Variants in TNIK observed in about 807,000 individuals in gnomAD.
TNIK encodes the protein TRAF2 and NCK interacting kinase, also known as TRAF2 and NCK-interacting protein kinase.
A neutral mutation model predicts 191.3 loss-of-function variants in TNIK; 49 were observed. The ratio of observed to expected loss-of-function variants is 0.26; its 90% CI spans 0.20 to 0.32. The LOEUF (loss-of-function observed/expected upper bound fraction) is 0.32. TNIK is among the 10% of genes least tolerant of loss of function. The probability of loss-of-function intolerance (pLI) is 1.00; values close to 1 mark genes in which losing one functional copy is unlikely to be tolerated. For missense variants in TNIK, 1,155 were observed against 1,702.3 expected, an observed-to-expected ratio of 0.68 and a Z score of 5.66; for synonymous variants, 594 against 600.9, an observed-to-expected ratio of 0.99 and a Z score of 0.17.
At chr3:171,227,532 C>T (rs1158547127) in intron 3 of TNIK, among the ~76,000 whole-genome samples, 1 of 152,106 alleles carries the variant, frequency 6.6e-6, no homozygotes, top group Non-Finnish European at 1.5e-5. Flanking sequence ...ATGCAAATAT[C>T]TGTGGTTGTG....
At chr3:171,107,744 A>C (rs920357298) in intron 20 of TNIK, among the ~76,000 whole-genome samples, 31 of 152,314 alleles carry the variant, frequency 2.0e-4, no homozygotes, top group African/African-American at 7.2e-4. Context: ...AAAGTACCCA[A>C]GTCTCTTTAA....
chr3:171,167,716 T>C (rs567500693), intron 9 of TNIK, among the ~76,000 whole-genome samples: 75 of 152,224 alleles, frequency 4.9e-4, no homozygotes, highest in Non-Finnish European at 9.3e-4. Flanking sequence ...GAATAATGTA[T>C]GTTGGGGGAC....
intron 4 of TNIK, among the ~76,000 whole-genome samples, chr3:171,196,132 G>A (rs1018616081): frequency 6.6e-6 from 1 of 152,092 alleles, no homozygotes; most frequent in African/African-American, 2.4e-5. Context: ...AGACTGAAGA[G>A]TCTATACTGC....
chr3:171,123,832 C>A (rs1728109030), intron 17 of TNIK, 130 bp from the exon 18 acceptor site: 1 of 557,920 alleles, frequency 1.8e-6, no homozygotes. Flanking sequence ...AACTATCTTT[C>A]ATTCATTCCT....
chr3:171,328,681 A>G (rs950540782), intron 2 of TNIK, among the ~76,000 whole-genome samples: 9 of 152,350 alleles, frequency 5.9e-5, no homozygotes, highest in Admixed American at 1.3e-4. Flanking sequence ...AAGGATTTAA[A>G]TGTTCAATTA....
At chr3:171,225,135 A>G (rs534610741) in intron 3 of TNIK, among the ~76,000 whole-genome samples, 70 of 152,222 alleles carry the variant, frequency 4.6e-4, no homozygotes, top group Non-Finnish European at 8.5e-4. Context: ...CAGAGCAACC[A>G]TAATGAGTAC....
chr3:171,177,692 C>T (rs895830203), intron 7 of TNIK, among the ~76,000 whole-genome samples: 3 of 152,206 alleles, frequency 2.0e-5, no homozygotes, highest in Non-Finnish European at 4.4e-5. Flanking sequence ...GTTTATAACA[C>T]CATCATTGAG....
At chr3:171,248,902 T>C (rs777564093) in intron 2 of TNIK, among the ~76,000 whole-genome samples, 1 of 152,252 alleles carries the variant, frequency 6.6e-6, no homozygotes, top group Non-Finnish European at 1.5e-5. Flanking sequence ...AAAATCATTT[T>C]ACTTGGTACC....
At position 171,101,530 on chromosome 3, in the gene TNIK, T is replaced by C. The variant is rs376875163; in HGVS notation, c.2510A>G (p.Glu837Gly). 2 of 1,613,498 alleles carry C rather than the reference T, an allele frequency of 1.2e-6. No homozygotes were observed. The highest frequency in any genetic ancestry group is 2.7e-5 in the African/African-American group (2 of 74,896). Residue 837 changes from glutamate (E) to glycine (G), a missense_variant, in exon 22 of 33, where the codon GAA becomes GGA. Physicochemically the swap from Glu to Gly is moderately conservative, Grantham distance 98. Transcript: ENST00000436636. ...TDYSSSSEESESSEEEEEDGE... is the reference protein window; with the variant it reads ...TDYSSSSEESGSSEEEEEDGE... Reference sequence around the variant, plus strand: ...ATCTTCCTCCTCTTCCTCGCTACTTTCTGACTCCTCACTGGAGGAGGAGTA... The same window carrying C: ...ATCTTCCTCCTCTTCCTCGCTACTTCCTGACTCCTCACTGGAGGAGGAGTA...
chr3:171,182,984 C>A (rs1030753313), intron 7 of TNIK, among the ~76,000 whole-genome samples: 2 of 152,180 alleles, frequency 1.3e-5, no homozygotes, highest in African/African-American at 4.8e-5. Flanking sequence ...CAAAAAGTGC[C>A]TAATATACAA....
At chr3:171,270,743 C>G (rs1407852718) in intron 2 of TNIK, among the ~76,000 whole-genome samples, 2 of 152,134 alleles carry the variant, frequency 1.3e-5, no homozygotes, top group African/African-American at 4.8e-5. Flanking sequence ...ACCTCTATAC[C>G]ACTGTCTAGT....
At chr3:171,235,017 T>A (rs897081331) in intron 2 of TNIK, among the ~76,000 whole-genome samples, 5 of 152,050 alleles carry the variant, frequency 3.3e-5, no homozygotes, top group South Asian at 2.1e-4. Flanking sequence ...TTTTTAAAAA[T>A]TTTTTATTTG....
chr3:171,205,909 C>CATCACCTG (rs1416494541), intron 4 of TNIK, among the ~76,000 whole-genome samples: 1 of 152,206 alleles, frequency 6.6e-6, no homozygotes, highest in Non-Finnish European at 1.5e-5. Context: ...GCTCCACCCT[C>CATCACCTG]ATCACCTGAT....
intron 29 of TNIK, among the ~76,000 whole-genome samples, chr3:171,070,486 T>A (rs548597095): frequency 3.5e-4 from 51 of 146,026 alleles, no homozygotes; most frequent in African/African-American, 9.1e-4. Flanking sequence ...AGAGAGAGAG[T>A]GAGAGAAAAC....
At position 171,159,178 on chromosome 3, in the gene TNIK, C is replaced by T. The variant is rs979039417; in HGVS notation, c.1017-1514G>A. 6.6e-6 allele frequency among the ~76,000 whole-genome samples: 1 copy of T among 152,002 alleles called. No individual in the cohort carries two copies. The highest frequency in any genetic ancestry group is 2.4e-5 in the African/African-American group (1 of 41,372). ...CTGCAGAGTGGTTCTGGGGTGGGGA[C>T]ACCACCCAGGGCGAGAGCAGAGCGG... On this transcript the variant is annotated intron_variant, in intron 11 of 32. Transcript: ENST00000436636. The surrounding 1 kb of genome is among the most constrained non-coding windows in gnomAD (Gnocchi z 4.1).
At chr3:171,371,835 AGTTT>A (rs1352339703) in intron 1 of TNIK, among the ~76,000 whole-genome samples, 5 of 152,214 alleles carry the variant, frequency 3.3e-5, no homozygotes, top group African/African-American at 4.8e-5. Context: ...GCTTCCCAGT[AGTTT>A]GTTTGCTTGG....
intron 2 of TNIK, among the ~76,000 whole-genome samples, chr3:171,307,295 A>C (rs1753559031): frequency 6.6e-6 from 1 of 152,174 alleles, no homozygotes; most frequent in Non-Finnish European, 1.5e-5. Context: ...AGGATCATCA[A>C]ATAGAAACCC....
chr3:171,253,277 G>A lies in TNIK; in HGVS notation c.124-25056C>T, dbSNP rs574062267. On this transcript the variant is annotated intron_variant, in intron 2 of 32. Coordinates refer to ENST00000436636, the MANE Select transcript of TNIK (RefSeq NM_015028.4). ...CCAGCCTGGGCAACAAAGCAAGACT[G>A]TCTCAAAAAAAAAAAAAAGAAATAA... 3.1e-3 allele frequency among the ~76,000 whole-genome samples: 379 copies of A among 121,238 alleles called. 1 individual carries two copies. The highest frequency in any genetic ancestry group is 4.7e-3 in the Non-Finnish European group (258 of 55,072). The allele number at this position is 121,238 out of a possible 152,430, so 79.5% of individuals were successfully genotyped here.
At chr3:171,116,918 T>C (rs1726792622) in intron 18 of TNIK, among the ~76,000 whole-genome samples, 1 of 152,208 alleles carries the variant, frequency 6.6e-6, no homozygotes, top group Non-Finnish European at 1.5e-5. Flanking sequence ...GAATTGCCTA[T>C]TGATATTGCA....
Sources: allele counts gnomAD v4.1 joint callset (sites outside exome capture counted in the v4.1 genomes callset), GRCh38; gene constraint gnomAD v4.1.1; non-coding constraint Gnocchi (gnomAD v3.1); transcripts MANE v1.5; gene names NCBI Gene and HGNC (gene_info 2026-07-23, HGNC 2026-07-21).